Variants in DTNA observed in about 807,000 individuals in gnomAD.
DTNA encodes the protein dystrobrevin alpha.
Under a neutral mutation model 100.7 loss-of-function variants are expected in DTNA, and 43 were observed. That is an observed-to-expected ratio of 0.43 (90% CI 0.33 to 0.55). The LOEUF (loss-of-function observed/expected upper bound fraction) is 0.55, where lower values mean the gene tolerates loss of function less well. Among genes scored for constraint, DTNA ranks in the 20% least tolerant of loss-of-function variants. DTNA has a pLI of 0.04. For synonymous variants in DTNA, 349 were observed against 347.9 expected (o/e 1.00, Z -0.04); for missense variants, 798 against 953.9 (o/e 0.84, Z 2.15).
intron 1 of DTNA, among the ~76,000 whole-genome samples, chr18:34,701,545 A>G (rs1268998659): frequency 6.6e-6 from 1 of 151,832 alleles, no homozygotes; most frequent in African/African-American, 2.4e-5. Flanking sequence ...TCTACCTACA[A>G]CTTCCACATG....
intron 1 of DTNA, among the ~76,000 whole-genome samples, chr18:34,561,181 T>A (rs915435588): frequency 6.6e-6 from 1 of 152,188 alleles, no homozygotes; most frequent in Non-Finnish European, 1.5e-5. Context: ...TACAACTATA[T>A]ACTACAACAA....
chr18:34,525,738 A>G (rs879067966), intron 1 of DTNA, among the ~76,000 whole-genome samples: 6 of 152,182 alleles, frequency 3.9e-5, no homozygotes, highest in Admixed American at 2.6e-4. Context: ...GAAAAAGCCA[A>G]ACATTTTCCA....
At chr18:34,887,705 A>G in intron 22 of DTNA, 61 bp from the exon 23 acceptor site, 1 of 984,982 alleles carries the variant, frequency 1.0e-6, no homozygotes, top group East Asian at 1.1e-4. Flanking sequence ...CCTAAGTTTC[A>G]TAACCCTAAT....
chr18:34,695,907 T>G (rs1332435614), intron 1 of DTNA, among the ~76,000 whole-genome samples: 1 of 152,244 alleles, frequency 6.6e-6, no homozygotes, highest in Non-Finnish European at 1.5e-5. Context: ...TCTCTAATAT[T>G]ATCTTTTACA....
chr18:34,698,275 A>G (rs59001990), intron 1 of DTNA, among the ~76,000 whole-genome samples: 4,155 of 152,338 alleles, frequency 0.027, 216 homozygotes, highest in African/African-American at 0.095. Flanking sequence ...ATTACCACAA[A>G]GCTTAGTGGC....
At chr18:34,831,042 G>A (rs2095996781) in intron 11 of DTNA, among the ~76,000 whole-genome samples, 1 of 152,166 alleles carries the variant, frequency 6.6e-6, no homozygotes, top group Non-Finnish European at 1.5e-5. Flanking sequence ...CCACAGCTCT[G>A]TGCCTCTTAG....
At chr18:34,728,901 C>G (rs2087395278) in intron 1 of DTNA, among the ~76,000 whole-genome samples, 1 of 152,116 alleles carries the variant, frequency 6.6e-6, no homozygotes, top group Non-Finnish European at 1.5e-5. Flanking sequence ...AGTGAGAAAG[C>G]CTGGCTTGGG....
chr18:34,495,119 G>A (rs1203750754), intron 1 of DTNA, among the ~76,000 whole-genome samples: 1 of 152,086 alleles, frequency 6.6e-6, no homozygotes, highest in African/African-American at 2.4e-5. Flanking sequence ...GTCTAGTTGG[G>A]CTTTTCATGC....
At chr18:34,514,752 G>C (rs949761801) in intron 1 of DTNA, among the ~76,000 whole-genome samples, 4 of 152,046 alleles carry the variant, frequency 2.6e-5, no homozygotes, top group Non-Finnish European at 5.9e-5. Flanking sequence ...TCACATGGTG[G>C]AAAGGGCAAG....
rs1245506633 is a variant in DTNA, at chr18:34,758,594, A to G, written c.67+2551A>G. Among the ~76,000 whole-genome samples the G allele has an allele frequency of 2.6e-5, 4 of 152,182 alleles. No homozygotes were observed. The South Asian group carries it at 6.2e-4, about 24-fold the overall frequency. ...AAAGTTAGGCTTCTACCCTCCTGAT[A>G]AGACTTGGAGATAGAGGTGATAAGT... is the stretch of plus-strand genomic sequence containing the variant. On this transcript the variant is annotated intron_variant, in intron 2 of 22. Coordinates refer to ENST00000444659, the MANE Select transcript of DTNA (RefSeq NM_001386795.1).
At chr18:34,630,354 A>G (rs1012699814) in intron 1 of DTNA, among the ~76,000 whole-genome samples, 3 of 152,174 alleles carry the variant, frequency 2.0e-5, no homozygotes, top group Non-Finnish European at 4.4e-5. Flanking sequence ...AAAATCATAA[A>G]TGAAATAACT....
chr18:34,849,998 C>T (rs777275335), intron 14 of DTNA, among the ~76,000 whole-genome samples: 26 of 152,208 alleles, frequency 1.7e-4, no homozygotes, highest in Non-Finnish European at 2.8e-4. Context: ...TTCTGGAGAA[C>T]ATTAGTAACT....
At chr18:34,766,089 T>TACCA in intron 3 of DTNA, 48 bp downstream of exon 3, 1 of 1,586,466 alleles carries the variant, frequency 6.3e-7, no homozygotes, top group Non-Finnish European at 8.6e-7. Context: ...AATCCTATAG[T>TACCA]TTACATTTGG....
chr18:34,578,188 C>T (rs1282060531), intron 1 of DTNA, among the ~76,000 whole-genome samples: 6 of 151,692 alleles, frequency 4.0e-5, no homozygotes, highest in African/African-American at 9.7e-5. Context: ...AAGGTGGTAT[C>T]GCATTTTGGT....
chr18:34,866,451 T>C (rs1261868107), intron 17 of DTNA: 2 of 1,254,516 alleles, frequency 1.6e-6, no homozygotes, highest in Non-Finnish European at 2.0e-6. Context: ...TTCAAGTTGT[T>C]GATCAGACCC....
intron 1 of DTNA, among the ~76,000 whole-genome samples, chr18:34,698,996 A>G (rs1320692953): frequency 6.6e-6 from 1 of 151,056 alleles, no homozygotes; most frequent in South Asian, 2.1e-4. Flanking sequence ...AGGGCTCACC[A>G]TAATCTAGTA....
At chr18:34,766,084 TA>T in intron 3 of DTNA, 43 bp downstream of exon 3, 1 of 1,592,664 alleles carries the variant, frequency 6.3e-7, no homozygotes, top group Non-Finnish European at 8.6e-7. Flanking sequence ...TCATGAATCC[TA>T]TAGTTTACAT....
intron 8 of DTNA, 43 bp from the exon 9 acceptor site, chr18:34,820,748 A>T: frequency 1.2e-6 from 2 of 1,612,588 alleles, no homozygotes; most frequent in Non-Finnish European, 1.7e-6. Flanking sequence ...AATATTACAT[A>T]AATATTAGCT....
At chr18:34,494,164 C>T (rs918031789) in intron 1 of DTNA, 4 of 152,086 alleles carry the variant, frequency 2.6e-5, no homozygotes, top group African/African-American at 7.2e-5. Context: ...CCCTCTTGGT[C>T]ATCCTCTCGG....
Sources: allele counts gnomAD v4.1 joint callset (sites outside exome capture counted in the v4.1 genomes callset), GRCh38; gene constraint gnomAD v4.1.1; transcripts MANE v1.5; gene names NCBI Gene and HGNC (gene_info 2026-07-23, HGNC 2026-07-21).